The following MTHFD1 variants were observed in gnomAD, a reference collection of about 807,000 sequenced individuals.
The protein encoded by MTHFD1 is C-1-tetrahydrofolate synthase, cytoplasmic.
Under a neutral mutation model 110.3 loss-of-function variants are expected in MTHFD1, and 44 were observed. The observed-to-expected ratio is 0.40, with a 90% confidence interval of 0.31 to 0.51. MTHFD1 has a LOEUF of 0.51. Ranked by LOEUF, MTHFD1 falls within the 20% of genes least tolerant of loss-of-function variation. MTHFD1 has a pLI of 0.60. For synonymous variants in MTHFD1, 402 were observed against 428.8 expected, an observed-to-expected ratio of 0.94 and a Z score of 0.77; for missense variants, 909 against 1,173.1, an observed-to-expected ratio of 0.77 and a Z score of 3.29.
chr14:64,427,832 G>A (rs1250963363), intron 12 of MTHFD1, among the ~76,000 whole-genome samples: 1 of 152,172 alleles, frequency 6.6e-6, no homozygotes, highest in African/African-American at 2.4e-5. Flanking sequence ...GTTTCACCTT[G>A]TTGGGAATAA....
chr14:64,409,927 G>A (rs2077968910), intron 2 of MTHFD1, among the ~76,000 whole-genome samples: 1 of 152,100 alleles, frequency 6.6e-6, no homozygotes, highest in South Asian at 2.1e-4. Flanking sequence ...CTGTTAAAAG[G>A]AGCTGTGCTT....
intron 6 of MTHFD1, among the ~76,000 whole-genome samples, chr14:64,416,996 G>C (rs917555608): frequency 3.3e-5 from 5 of 152,310 alleles, no homozygotes; most frequent in African/African-American, 1.2e-4. Flanking sequence ...TTTTATGCGA[G>C]AAGCACAATT....
intron 2 of MTHFD1, among the ~76,000 whole-genome samples, chr14:64,401,580 G>A (rs1048004471): frequency 2.6e-5 from 4 of 151,776 alleles, no homozygotes; most frequent in African/African-American, 9.7e-5. Flanking sequence ...GTGGGCGCCT[G>A]TAATCCCAGC....
intron 26 of MTHFD1, chr14:64,455,138 T>G (rs536539877): frequency 4.4e-6 from 2 of 449,554 alleles, no homozygotes; most frequent in Non-Finnish European, 8.2e-6. Flanking sequence ...AGGGACAGTA[T>G]GCTCTTCACT....
chr14:64,459,286 G>A (rs961445509), intron 27 of MTHFD1, among the ~76,000 whole-genome samples: 1 of 152,182 alleles, frequency 6.6e-6, no homozygotes, highest in East Asian at 1.9e-4. Context: ...GGACATTAGC[G>A]AAGGGGCATT....
intron 27 of MTHFD1, among the ~76,000 whole-genome samples, chr14:64,459,188 A>G (rs1352058423): frequency 6.6e-6 from 1 of 152,170 alleles, no homozygotes; most frequent in East Asian, 1.9e-4. Context: ...TCTCTTCCTA[A>G]GAAGTTATTT....
At chr14:64,430,890 G>A (rs182495041) in intron 13 of MTHFD1, among the ~76,000 whole-genome samples, 36 of 152,138 alleles carry the variant, frequency 2.4e-4, no homozygotes, top group African/African-American at 6.7e-4. Context: ...TGCTGCTCCC[G>A]TGCACTCCTC....
In MTHFD1 at chr14:64,454,811, T is replaced by C; in HGVS notation, c.2654T>C (p.Ile885Thr). Residue 885 changes from isoleucine to threonine, a missense_variant, in exon 26 of 28, where the codon ATT becomes ACT. By Grantham distance (89) the Ile-to-Thr change is moderately conservative. Transcript: ENST00000652337. ...CAAAAAGGTGTCCCTACAGGCTTCA[T>C]TCTGCCCATTCGCGACATCCGCGCC... ...PEQKGVPTGFILPIRDIRASV... is the reference protein window; with the variant it reads ...PEQKGVPTGFTLPIRDIRASV... 1 of 1,614,238 alleles carries C rather than the reference T, an allele frequency of 6.2e-7. No homozygotes were observed. Among genetic ancestry groups the C allele is most frequent in the Non-Finnish European group, 8.5e-7 (1 of 1,180,030 alleles).
intron 13 of MTHFD1, among the ~76,000 whole-genome samples, chr14:64,430,439 C>T (rs1224873961): frequency 6.6e-6 from 1 of 152,188 alleles, no homozygotes; most frequent in Non-Finnish European, 1.5e-5. Context: ...GCTGGGATTA[C>T]AGGCATGCAC....
At chr14:64,437,498 C>G (rs952477249) in intron 16 of MTHFD1, among the ~76,000 whole-genome samples, 1 of 152,198 alleles carries the variant, frequency 6.6e-6, no homozygotes, top group African/African-American at 2.4e-5. Flanking sequence ...AACAATTCAG[C>G]TTTCACTTCT....
At chr14:64,407,544 CTCTTT>C (rs2077944680) in intron 2 of MTHFD1, among the ~76,000 whole-genome samples, 3 of 65,020 alleles carry the variant, frequency 4.6e-5, no homozygotes, top group Non-Finnish European at 7.9e-5. Flanking sequence ...CTCACTCTCT[CTCTTT>C]TTTTTTTTTT....
intron 8 of MTHFD1, among the ~76,000 whole-genome samples, chr14:64,422,270 C>T (rs1327666112): frequency 6.6e-6 from 1 of 152,108 alleles, no homozygotes; most frequent in African/African-American, 2.4e-5. Flanking sequence ...AGCAAATGGG[C>T]TGCAGGACCT....
intron 1 of MTHFD1, among the ~76,000 whole-genome samples, chr14:64,398,566 T>A (rs1191342333): frequency 2.6e-5 from 4 of 152,028 alleles, no homozygotes; most frequent in Admixed American, 6.6e-5. Context: ...AATAAATAAA[T>A]AAAAATCAAA....
At chr14:64,442,985 T>C (rs2078260330) in intron 21 of MTHFD1, among the ~76,000 whole-genome samples, 1 of 152,184 alleles carries the variant, frequency 6.6e-6, no homozygotes. Flanking sequence ...TTCCTACTAC[T>C]TTTTATCCTA....
chr14:64,398,604 T>TA (rs893206352), intron 1 of MTHFD1, among the ~76,000 whole-genome samples: 3 of 152,202 alleles, frequency 2.0e-5, no homozygotes, highest in Admixed American at 6.5e-5. Context: ...ATCTTGGGTA[T>TA]GACTTCTTTC....
intron 26 of MTHFD1, among the ~76,000 whole-genome samples, chr14:64,455,736 T>G (rs1244247117): frequency 1.3e-5 from 2 of 152,210 alleles, no homozygotes; most frequent in East Asian, 3.8e-4. Flanking sequence ...ATTATAGAGT[T>G]GAAAACGTAG....
intron 16 of MTHFD1, among the ~76,000 whole-genome samples, chr14:64,436,303 C>G (rs2078205715): frequency 2.0e-5 from 3 of 152,250 alleles, no homozygotes; most frequent in South Asian, 4.1e-4. Context: ...ACCATGTTAG[C>G]TAGGATGGTC....
At chr14:64,449,741 C>A in intron 24 of MTHFD1, 119 bp downstream of exon 24, 3 of 1,203,302 alleles carry the variant, frequency 2.5e-6, no homozygotes, top group Non-Finnish European at 2.4e-6. Flanking sequence ...GGTTTGATTC[C>A]CACGTAGGTG....
chr14:64,453,914 G>A, intron 25 of MTHFD1, 53 bp downstream of exon 25: 1 of 1,160,460 alleles, frequency 8.6e-7, no homozygotes, highest in Non-Finnish European at 1.3e-6. Flanking sequence ...AGGACTTGGA[G>A]TCACAATCTC....
Sources: gnomAD v4.1 joint callset for allele counts (sites outside exome capture counted in the v4.1 genomes callset) on GRCh38, gnomAD v4.1.1 for gene constraint, MANE v1.5 for transcripts, NCBI Gene and HGNC (gene_info 2026-07-23, HGNC 2026-07-21) for gene names.